Variants in RANBP17 observed in about 807,000 individuals in gnomAD.
RANBP17 encodes RAN binding protein 17.
In RANBP17, 158 loss-of-function variants were observed where a neutral mutation model predicts 141.2. That is an observed-to-expected ratio of 1.12 (90% CI 0.98 to 1.28). The LOEUF is 1.28. Among genes scored for constraint, RANBP17 ranks in the 50% most tolerant of loss-of-function variants. RANBP17 has a pLI of 0.00. For missense variants in RANBP17, 1,438 were observed against 1,290.7 expected, an observed-to-expected ratio of 1.11 and a Z score of -1.75; for synonymous variants, 430 against 450.0, an observed-to-expected ratio of 0.96 and a Z score of 0.56.
chr5:171,069,691 CTAATT>C (rs1340891841), intron 14 of RANBP17, among the ~76,000 whole-genome samples: 7 of 152,096 alleles, frequency 4.6e-5, no homozygotes, highest in Non-Finnish European at 1.0e-4. Context: ...CAACTTTAGA[CTAATT>C]TAAGTGTTCT....
chr5:170,888,456 T>A (rs933428923), intron 3 of RANBP17, among the ~76,000 whole-genome samples: 1 of 152,204 alleles, frequency 6.6e-6, no homozygotes, highest in African/African-American at 2.4e-5. Flanking sequence ...TAAATCTAAG[T>A]ATTAATATTT....
chr5:171,213,955 G>C (rs1428937594), intron 21 of RANBP17, among the ~76,000 whole-genome samples: 1 of 152,134 alleles, frequency 6.6e-6, no homozygotes, highest in African/African-American at 2.4e-5. Context: ...GGGGACTAGG[G>C]AAATGGAAAA....
intron 14 of RANBP17, chr5:170,968,773 C>T: frequency 4.4e-6 from 2 of 453,084 alleles, no homozygotes; most frequent in Non-Finnish European, 8.8e-6. Flanking sequence ...GGCATTTGTA[C>T]ATGATTAAAT....
At chr5:171,015,376 T>A (rs1780355910) in intron 14 of RANBP17, among the ~76,000 whole-genome samples, 1 of 152,136 alleles carries the variant, frequency 6.6e-6, no homozygotes, top group Admixed American at 6.6e-5. Flanking sequence ...CTGTTGCTGT[T>A]GATAAGTTTA....
intron 3 of RANBP17, among the ~76,000 whole-genome samples, chr5:170,886,583 G>C (rs1244153744): frequency 1.3e-5 from 2 of 149,320 alleles, no homozygotes; most frequent in Admixed American, 6.6e-5. Flanking sequence ...ATAAAATAGA[G>C]TAGTATCTAC....
At position 171,221,846 on chromosome 5, in the gene RANBP17, T is replaced by C. The variant is rs760960775; in HGVS notation, c.2422+6T>C. The C allele has an allele frequency of 6.5e-7, 1 of 1,527,394 alleles. No homozygotes were observed. The highest frequency in any genetic ancestry group is 1.7e-5 in the Admixed American group (1 of 59,184). 94.6% of individuals were successfully genotyped at this position (1,527,394 alleles called of 1,614,324 possible). A position where few individuals can be genotyped will look rare whatever the true frequency, so the allele number is the denominator to read the frequency against. Reference sequence around the variant, plus strand: ...TAAAATGGTTTGCACTTATGGTGAGTGTCCTTTTCCATATGTGCCTCTGCA... The same window carrying C: ...TAAAATGGTTTGCACTTATGGTGAGCGTCCTTTTCCATATGTGCCTCTGCA... On this transcript the variant is annotated splice_donor_region_variant and intron_variant, in intron 22 of 27. Coordinates refer to ENST00000523189, the MANE Select transcript of RANBP17 (RefSeq NM_022897.5).
Position 171,213,639 on chromosome 5 carries a change from C to T in RANBP17, c.2240C>T (p.Thr747Met), listed in dbSNP as rs201127616. ...YTMLFDWMYP[T>M]YLPLLQNAVE... ...AACAGGCTTTATAAAAGGTACCCAA[C>T]GTACCTTCCCCTTCTTCAGAATGCT... Residue 747 changes from threonine to methionine, a missense_variant, in exon 21 of 28, where the codon ACG becomes ATG. Transcript: ENST00000523189. The T allele has an allele frequency of 2.5e-5, 40 of 1,610,786 alleles. No homozygotes were observed. The highest frequency in any genetic ancestry group is 9.3e-5 in the African/African-American group (7 of 74,952).
In RANBP17 at chr5:170,922,258, G is replaced by A. The variant is rs538432083; in HGVS notation, c.1275-2099G>A. Among the ~76,000 whole-genome samples, 14 of 152,238 alleles carry A rather than the reference G, an allele frequency of 9.2e-5. No homozygotes were observed. In the South Asian group the frequency reaches 2.3e-3, roughly 25 times the overall value. Reference sequence around the variant, plus strand: ...GGTGTCTGTCAGCCCCTACTGGGAGGTGTTTCCCAGTCAGGCTACACAGGG... The same window carrying A: ...GGTGTCTGTCAGCCCCTACTGGGAGATGTTTCCCAGTCAGGCTACACAGGG... On this transcript the variant is annotated intron_variant, in intron 11 of 27. Coordinates refer to ENST00000523189, the MANE Select transcript of RANBP17 (RefSeq NM_022897.5).
chr5:171,132,785 C>CT (rs1164858278), intron 14 of RANBP17, among the ~76,000 whole-genome samples: 2 of 152,158 alleles, frequency 1.3e-5, no homozygotes, highest in Admixed American at 6.5e-5. Context: ...TTTTTCAACT[C>CT]TTTTCGTTTA....
At chr5:171,226,365 A>G (rs1347785414) in intron 22 of RANBP17, among the ~76,000 whole-genome samples, 1 of 152,140 alleles carries the variant, frequency 6.6e-6, no homozygotes, top group Non-Finnish European at 1.5e-5. Context: ...GCCAAAATAG[A>G]ACTGCCTTCA....
At chr5:170,951,578 T>A (rs562727027) in intron 12 of RANBP17, among the ~76,000 whole-genome samples, 2 of 152,128 alleles carry the variant, frequency 1.3e-5, no homozygotes, top group Non-Finnish European at 2.9e-5. Context: ...AGTGGTTGTT[T>A]AGAAGCTAGG....
intron 4 of RANBP17, among the ~76,000 whole-genome samples, chr5:170,894,475 G>T (rs1769927634): frequency 3.4e-5 from 2 of 58,098 alleles, no homozygotes; most frequent in South Asian, 1.2e-3. Context: ...AGAATAGTTA[G>T]TACGTGTTTT....
At chr5:170,966,448 G>T (rs1776572009) in intron 13 of RANBP17, among the ~76,000 whole-genome samples, 1 of 152,130 alleles carries the variant, frequency 6.6e-6, no homozygotes. Flanking sequence ...AAAACCACAT[G>T]ATTATCTCAA....
At chr5:171,215,436 G>T (rs1053213868) in intron 21 of RANBP17, among the ~76,000 whole-genome samples, 9 of 152,114 alleles carry the variant, frequency 5.9e-5, no homozygotes, top group Non-Finnish European at 1.3e-4. Context: ...GGATTGCTGG[G>T]TCAAATGATA....
At chr5:171,160,122 A>G (rs1759231775) in intron 14 of RANBP17, among the ~76,000 whole-genome samples, 1 of 152,098 alleles carries the variant, frequency 6.6e-6, no homozygotes, top group African/African-American at 2.4e-5. Context: ...GAATCTGGCA[A>G]TATAGGTGAT....
intron 25 of RANBP17, chr5:171,271,151 A>G (rs1767095068): frequency 7.9e-6 from 1 of 126,336 alleles, no homozygotes; most frequent in Non-Finnish European, 1.5e-5. Flanking sequence ...AATTGTGAAG[A>G]GCTGTCAGGA....
intron 12 of RANBP17, among the ~76,000 whole-genome samples, chr5:170,937,323 G>T (rs919799951): frequency 6.6e-6 from 1 of 152,154 alleles, no homozygotes; most frequent in African/African-American, 2.4e-5. Flanking sequence ...GTTTAGGGCA[G>T]ATTTTTTTTA....
At chr5:170,870,328 T>G (rs6898942) in intron 1 of RANBP17, among the ~76,000 whole-genome samples, 103,778 of 151,472 alleles carry the variant, frequency 0.69, 35,697 homozygotes, top group South Asian at 0.9. Context: ...GGTATTAAGC[T>G]CTGCAGGCAT....
At chr5:170,949,988 A>G (rs1775078259) in intron 12 of RANBP17, among the ~76,000 whole-genome samples, 1 of 152,194 alleles carries the variant, frequency 6.6e-6, no homozygotes, top group Non-Finnish European at 1.5e-5. Flanking sequence ...AAGAACATAC[A>G]TTGGGGAAAG....
Sources: allele counts gnomAD v4.1 joint callset (sites outside exome capture counted in the v4.1 genomes callset), GRCh38; gene constraint gnomAD v4.1.1; transcripts MANE v1.5; gene names NCBI Gene and HGNC (gene_info 2026-07-23, HGNC 2026-07-21).